RAB2A: variants seen among roughly 807,000 people sequenced by gnomAD.
RAB2A encodes the protein RAB2A, member RAS oncogene family.
Under a neutral mutation model 32.5 loss-of-function variants are expected in RAB2A, and 7 were observed. The observed-to-expected ratio is 0.22, with a 90% CI of 0.12 to 0.40. The LOEUF (loss-of-function observed/expected upper bound fraction) is 0.40, where lower values mean the gene tolerates loss of function less well. RAB2A is among the 10% of genes least tolerant of loss of function. The pLI, the probability that RAB2A is intolerant of heterozygous loss-of-function variation, is 1.00. For missense variants in RAB2A, 108 were observed against 260.7 expected (o/e 0.41, Z 4.03); for synonymous variants, 79 against 85.2 (o/e 0.93, Z 0.40).
At chr8:60,536,093 T>G (rs1807552498) in intron 1 of RAB2A, among the ~76,000 whole-genome samples, 1 of 152,352 alleles carries the variant, frequency 6.6e-6, no homozygotes, top group South Asian at 2.1e-4. Flanking sequence ...ATTTACATTT[T>G]GCATTTTGAT....
At chr8:60,516,937 G>C, upstream of RAB2A, 1 of 343,516 alleles carries the variant, frequency 2.9e-6, no homozygotes. Context: ...GGCGGCCGCA[G>C]AACTTCCGGG....
chr8:60,539,603 A>G (rs1431914615), intron 1 of RAB2A, among the ~76,000 whole-genome samples: 1 of 152,214 alleles, frequency 6.6e-6, no homozygotes, highest in Admixed American at 6.5e-5. Context: ...GACTAAATGC[A>G]ATTGTGAAGG....
chr8:60,538,335 G>A (rs7815543), intron 1 of RAB2A, among the ~76,000 whole-genome samples: 83,406 of 152,096 alleles, frequency 0.55, 26,395 homozygotes, highest in African/African-American at 0.88. Flanking sequence ...TGAAGGATAC[G>A]TTATTCATGC....
At chr8:60,594,395 C>T (rs78723999) in intron 6 of RAB2A, among the ~76,000 whole-genome samples, 2,695 of 152,178 alleles carry the variant, frequency 0.018, 56 homozygotes, top group Admixed American at 0.06. Flanking sequence ...TAGCACCCTA[C>T]GTATAGGGGA....
chr8:60,580,385 A>G (rs1803724115), intron 3 of RAB2A, among the ~76,000 whole-genome samples: 1 of 152,102 alleles, frequency 6.6e-6, no homozygotes, highest in Admixed American at 6.6e-5. Flanking sequence ...TTGTTATATA[A>G]CAGTTTATTT....
At chr8:60,551,816 C>T (rs1211447225) in intron 1 of RAB2A, 2 of 150,212 alleles carry the variant, frequency 1.3e-5, no homozygotes, top group African/African-American at 4.9e-5. Context: ...TCCTTAGCCT[C>T]TTGAGTAGCT....
intron 6 of RAB2A, among the ~76,000 whole-genome samples, chr8:60,605,477 A>T (rs1244768652): frequency 6.6e-6 from 1 of 152,126 alleles, no homozygotes; most frequent in Non-Finnish European, 1.5e-5. Flanking sequence ...ATACACCAAC[A>T]GTTTGCACCC....
At chr8:60,615,885 T>G (rs1192554694) in intron 6 of RAB2A, among the ~76,000 whole-genome samples, 1 of 152,174 alleles carries the variant, frequency 6.6e-6, no homozygotes, top group East Asian at 1.9e-4. Flanking sequence ...TAGTCATTAA[T>G]CACTTAGTAA....
chr8:60,537,740 G>A (rs150263741), intron 1 of RAB2A, among the ~76,000 whole-genome samples: 21 of 152,052 alleles, frequency 1.4e-4, no homozygotes, highest in Middle Eastern at 3.4e-3. Flanking sequence ...TTGCCCAGTG[G>A]GAGTGCAGTG....
chr8:60,607,357 A>T (rs1804250663), intron 6 of RAB2A, among the ~76,000 whole-genome samples: 1 of 129,950 alleles, frequency 7.7e-6, no homozygotes, highest in Non-Finnish European at 1.5e-5. Context: ...TGAACCCGGG[A>T]GGTGGAGCTT....
intron 6 of RAB2A, among the ~76,000 whole-genome samples, chr8:60,610,112 C>T (rs755448211): frequency 4.8e-4 from 73 of 151,926 alleles, no homozygotes; most frequent in Non-Finnish European, 8.5e-4. Context: ...TAGGTAAACC[C>T]CCACCCTTCC....
intron 3 of RAB2A, among the ~76,000 whole-genome samples, chr8:60,579,460 T>A (rs527746988): frequency 6.6e-6 from 1 of 152,354 alleles, no homozygotes; most frequent in East Asian, 1.9e-4. Context: ...TAGGCAATCA[T>A]TCCTGTTTGA....
At chr8:60,532,454 A>G (rs1185604905) in intron 1 of RAB2A, among the ~76,000 whole-genome samples, 1 of 152,210 alleles carries the variant, frequency 6.6e-6, no homozygotes, top group Non-Finnish European at 1.5e-5. Context: ...TATTTGTTAT[A>G]CTTGCTCAGG....
chr8:60,568,488 AATC>A (rs1285507789), intron 2 of RAB2A, among the ~76,000 whole-genome samples: 1 of 152,354 alleles, frequency 6.6e-6, no homozygotes, highest in South Asian at 2.1e-4. Context: ...TTTTATATGT[AATC>A]ATCCTTTTAA....
intron 1 of RAB2A, among the ~76,000 whole-genome samples, chr8:60,529,694 A>G (rs954394808): frequency 3.3e-5 from 5 of 152,098 alleles, no homozygotes; most frequent in Non-Finnish European, 1.5e-5. Context: ...AATACATTTC[A>G]TTCTATTTTA....
At chr8:60,550,407 C>T (rs1807828038) in intron 1 of RAB2A, among the ~76,000 whole-genome samples, 8 of 150,840 alleles carry the variant, frequency 5.3e-5, no homozygotes, top group Admixed American at 5.3e-4. Flanking sequence ...TTTTTTGAGG[C>T]AGGGTCTCAC....
chr8:60,558,984 C>A, intron 2 of RAB2A, 61 bp downstream of exon 2: 2 of 1,225,908 alleles, frequency 1.6e-6, no homozygotes, highest in Non-Finnish European at 2.4e-6. Flanking sequence ...ATGGAAAATG[C>A]TAGAAGGTCC....
intron 1 of RAB2A, among the ~76,000 whole-genome samples, chr8:60,549,224 T>C (rs1312963129): frequency 1.1e-4 from 16 of 151,922 alleles, no homozygotes; most frequent in Non-Finnish European, 2.2e-4. Context: ...CGCTCCTCAC[T>C]TCCCAGACGG....
chr8:60,567,333 C>A (rs1032829032), intron 2 of RAB2A, among the ~76,000 whole-genome samples: 1 of 152,110 alleles, frequency 6.6e-6, no homozygotes, highest in African/African-American at 2.4e-5. Context: ...CCAGGATGGT[C>A]TCGATCTCCT....
Sources: gnomAD v4.1 joint callset for allele counts (sites outside exome capture counted in the v4.1 genomes callset) on GRCh38, gnomAD v4.1.1 for gene constraint, MANE v1.5 for transcripts, NCBI Gene and HGNC (gene_info 2026-07-23, HGNC 2026-07-21) for gene names.